GPR179: variants seen among roughly 807,000 people sequenced by gnomAD.
GPR179 encodes the protein probable G protein-coupled receptor 179.
GPR179 carries 52 observed loss-of-function variants against 70.8 expected under a neutral mutation model. The ratio of observed to expected loss-of-function variants is 0.73; its 90% CI spans 0.59 to 0.93. GPR179 has a LOEUF of 0.93. Ranked by LOEUF, GPR179 falls within the 40% of genes least tolerant of loss-of-function variation. The probability of loss-of-function intolerance (pLI) is 0.00; values close to 1 mark genes in which losing one functional copy is unlikely to be tolerated. For missense variants in GPR179, 2,734 were observed against 2,966.8 expected, an observed-to-expected ratio of 0.92 and a Z score of 1.82; for synonymous variants, 1,123 against 1,169.0, an observed-to-expected ratio of 0.96 and a Z score of 0.80.
At position 38,343,502 on chromosome 17, in the gene GPR179, C is replaced by T. The variant is rs2037469138; in HGVS notation, c.288G>A (p.Gln96=). 6.2e-7 allele frequency: 1 copy of T among 1,613,856 alleles called. No individual in the cohort carries two copies. Among genetic ancestry groups the T allele is most frequent in the Non-Finnish European group, 8.5e-7 (1 of 1,180,018 alleles). ...GAMPGLPPSL[Q]GAAGTLAQAA... is the part of the protein sequence containing the mutation. Reference sequence around the variant, plus strand: ...CCTGGGCAAGGGTGCCCGCTGCCCCCTGTAGGCTTGGGGGGAGCCCTGGCA... The same window carrying T: ...CCTGGGCAAGGGTGCCCGCTGCCCCTTGTAGGCTTGGGGGGAGCCCTGGCA... Residue 96 remains glutamine (Q), a synonymous_variant, in exon 1 of 11, where the codon CAG becomes CAA. Coordinates refer to ENST00000616987, the MANE Select transcript of GPR179 (RefSeq NM_001004334.4). The surrounding 1 kb of genome is among the most constrained non-coding windows in gnomAD (Gnocchi z 4.2).
intron 3 of GPR179, 23 bp from the exon 4 acceptor site, chr17:38,337,236 A>G: frequency 6.3e-7 from 1 of 1,581,598 alleles, no homozygotes; most frequent in Non-Finnish European, 8.6e-7. Context: ...AGATGAGTGC[A>G]GGGAGAGGGG....
In GPR179 at chr17:38,327,504, T is replaced by C; in HGVS notation, c.6065A>G (p.Glu2022Gly). 1 of 1,614,238 alleles carries C rather than the reference T, an allele frequency of 6.2e-7. No homozygotes were observed. Among genetic ancestry groups the C allele is most frequent in the Non-Finnish European group, 8.5e-7 (1 of 1,180,040 alleles). Residue 2022 changes from glutamate to glycine, a missense_variant, in exon 11 of 11, where the codon GAA (glutamate) becomes GGA (glycine). Coordinates refer to ENST00000616987, the MANE Select transcript of GPR179 (RefSeq NM_001004334.4). The stretch of plus-strand genomic sequence containing the variant: ...TTTGACAGGGATTCTTTCAGTCACT[T>C]CCCAGGGACAGGTCTCAGCCTTGGC... Reference protein sequence around the residue: ...SSAKAETCPWEVTERIPVKGV... With the variant: ...SSAKAETCPWGVTERIPVKGV...
rs749683775 is a variant in GPR179, at chr17:38,337,064, G to A, written c.1141C>T (p.Arg381Trp). The change falls in exon 4 of 11, where the codon CGG becomes TGG. Residue 381 changes from arginine to tryptophan, a missense_variant. Transcript: ENST00000616987. ...GCCTGGCAGGCCAGCACAGCGGCCCGCAGCACCGCGGCCTCTTCCACCAGG... is the reference window on the plus strand; with the variant it reads ...GCCTGGCAGGCCAGCACAGCGGCCCACAGCACCGCGGCCTCTTCCACCAGG... ...PCLVEEAAVL[R>W]AAVLACQACC... The A allele has an allele frequency of 1.6e-5, 25 of 1,608,148 alleles. No homozygotes were observed. Among genetic ancestry groups the A allele is most frequent in the Admixed American group, 1.0e-4 (6 of 59,148 alleles).
chr17:38,333,374 G>A lies in GPR179; in HGVS notation c.1914C>T (p.Pro638=), dbSNP rs375381938. 151 of 1,613,836 alleles carry A rather than the reference G, an allele frequency of 9.4e-5. No individual in the cohort carries two copies. The highest frequency in any genetic ancestry group is 1.2e-4 in the Non-Finnish European group (137 of 1,179,980). ...ACACCTCATCCACCATCTCCTCCCG[G>A]GGAGGAGCCCCCAGCTTCCAGAACT... is the stretch of plus-strand genomic sequence containing the variant. ...IPKFWKLGAP[P]REEMVDEVCE... is the part of the protein sequence containing the mutation. Residue 638 remains proline (P), a synonymous_variant, in exon 10 of 11, where the codon CCC becomes CCT. Coordinates refer to ENST00000616987, the MANE Select transcript of GPR179 (RefSeq NM_001004334.4).
Position 38,343,781 on chromosome 17 carries a change from G to A in GPR179, c.9C>T (p.Thr3=), listed in dbSNP as rs1222298892. 3.3e-6 allele frequency: 5 copies of A among 1,507,360 alleles called. No homozygotes were observed. Among genetic ancestry groups the A allele is most frequent in the Non-Finnish European group, 4.4e-6 (5 of 1,130,486 alleles). 93.4% of individuals were successfully genotyped at this position (1,507,360 alleles called of 1,614,324 possible). The change falls in exon 1 of 11, where the codon ACC becomes ACT. Residue 3 remains threonine, a synonymous_variant. Coordinates refer to ENST00000616987, the MANE Select transcript of GPR179 (RefSeq NM_001004334.4). This position sits in a 1 kb window ranked among gnomAD's most constrained non-coding sequence, Gnocchi z 4.2. ...TAGGAGGGGGCATGACCGCTCCCCT[G>A]GTGCCCATCCTTGGGGCAGCTCTCA... MG[T]RGAVMPPPMW...
At chr17:38,338,922 C>T (rs1242244684) in intron 2 of GPR179, among the ~76,000 whole-genome samples, 10 of 152,198 alleles carry the variant, frequency 6.6e-5, no homozygotes, top group South Asian at 4.1e-4. Context: ...CAGGCCTCTT[C>T]GAGCTCCTTG....
chr17:38,335,573 G>A lies in GPR179; in HGVS notation c.1406+18C>T, dbSNP rs780164180. ...CTGGGATGAGCAGCATGAGAGCAAA[G>A]TCTGCCCCAGGCCGTACCTGTAAAG... On this transcript the variant is annotated intron_variant, in intron 6 of 10. Coordinates refer to ENST00000616987, the MANE Select transcript of GPR179 (RefSeq NM_001004334.4). 5.8e-6 allele frequency: 9 copies of A among 1,562,636 alleles called. No homozygotes were observed. The highest frequency in any genetic ancestry group is 2.2e-5 in the East Asian group (1 of 44,658).
Position 38,343,127 on chromosome 17 carries a change from C to T in GPR179, c.663G>A (p.Val221=). ...ACAGCCTCACCTGCTGCGTGTCCCCCACATATCCATCTGCCTGCGGCCACT... is the reference window on the plus strand; with the variant it reads ...ACAGCCTCACCTGCTGCGTGTCCCCTACATATCCATCTGCCTGCGGCCACT... ...SPKWPQADGY[V]GDTQQVRLSP... is the part of the protein sequence containing the mutation. The change falls in exon 1 of 11, where the codon GTG becomes GTA. Residue 221 remains valine (V), a synonymous_variant. Transcript: ENST00000616987. This position sits in a 1 kb window ranked among gnomAD's most constrained non-coding sequence, Gnocchi z 4.2. The T allele has an allele frequency of 6.2e-7, 1 of 1,614,226 alleles. No homozygotes were observed. Among genetic ancestry groups the T allele is most frequent in the Non-Finnish European group, 8.5e-7 (1 of 1,180,034 alleles).
rs772665888 is a variant in GPR179 at position 38,343,004 on chromosome 17, T to A, written c.786A>T (p.Pro262=). The change falls in exon 1 of 11, where the codon CCA becomes CCT. Residue 262 remains proline (P), a synonymous_variant. Transcript: ENST00000616987. The surrounding 1 kb of genome is among the most constrained non-coding windows in gnomAD (Gnocchi z 4.2). ...TGCACAAACCCACTTACCTGACTTC[T>A]GGGCTGAGGTCTGGCTTGAGTCCAT... ...TFYGLKPDLS[P]EVRGQVQMDV... 1.2e-6 allele frequency: 2 copies of A among 1,601,276 alleles called. No homozygotes were observed. The highest frequency in any genetic ancestry group is 2.7e-5 in the African/African-American group (2 of 74,626).
Position 38,326,376 on chromosome 17 carries a change from T to G in GPR179, c.*89A>C, listed in dbSNP as rs914957374. The G allele has an allele frequency of 1.9e-6, 2 of 1,026,552 alleles. No homozygotes were observed. The highest frequency in any genetic ancestry group is 3.2e-5 in the South Asian group (2 of 62,874). The allele number at this position is 1,026,552 out of a possible 1,614,324, so 63.6% of individuals were successfully genotyped here. ...AGGAGGGGAAGTGGCCAAGCTGTCT[T>G]TGATTCAGCTCTTTGGGAACACCTG... On this transcript the variant is annotated 3_prime_UTR_variant, in exon 11 of 11. Transcript: ENST00000616987.
Position 38,330,482 on chromosome 17 carries a change from G to A in GPR179, c.3087C>T (p.Leu1029=). The change falls in exon 11 of 11, where the codon CTC becomes CTT. Residue 1029 remains leucine (L), a synonymous_variant. Transcript: ENST00000616987. ...HHSPAPARAR[L]WRALSVAVEK... is the part of the protein sequence containing the mutation. ...CTACTGCAACAGAGAGGGCCCTCCA[G>A]AGCCTGGCTCGAGCTGGGGCAGGGG... The A allele has an allele frequency of 1.9e-6, 3 of 1,555,728 alleles. No individual in the cohort carries two copies. Among genetic ancestry groups the A allele is most frequent in the Non-Finnish European group, 2.6e-6 (3 of 1,149,350 alleles).
In GPR179 at chr17:38,329,046, G is replaced by C. The variant is rs1837977879; in HGVS notation, c.4523C>G (p.Ala1508Gly). 1.2e-6 allele frequency: 2 copies of C among 1,613,676 alleles called. No individual in the cohort carries two copies. Among genetic ancestry groups the C allele is most frequent in the Non-Finnish European group, 1.7e-6 (2 of 1,179,964 alleles). ...GRESLQEKEKASRKGSFGEMG... is the reference protein window; with the variant it reads ...GRESLQEKEKGSRKGSFGEMG... ...CTCTCCAAAGCTTCCTTTTCTGGAG[G>C]CTTTTTCCTTTTCTTGAAGAGATTC... Residue 1508 changes from alanine to glycine, a missense_variant, in exon 11 of 11, where the codon GCC becomes GGC. Ala to Gly is a moderately conservative substitution (Grantham distance 60, BLOSUM62 0). Transcript: ENST00000616987.
At position 38,331,494 on chromosome 17, in the gene GPR179, T is replaced by C. The variant is rs2037360245; in HGVS notation, c.2075A>G (p.His692Arg). 6.2e-7 allele frequency: 1 copy of C among 1,613,618 alleles called. No individual in the cohort carries two copies. Among genetic ancestry groups the C allele is most frequent in the East Asian group, 2.2e-5 (1 of 44,862 alleles). Residue 692 changes from histidine to arginine, a missense_variant, in exon 11 of 11, where the codon CAC becomes CGC. His to Arg is a conservative substitution (Grantham distance 29, BLOSUM62 0). Transcript: ENST00000616987. ...GTTTGCGGCCATTTCCTTGGTTTTG[T>C]GGACCTCTAGCTGGGCATAGAGCTT... ...LKKLYAQLEV[H>R]KTKEMAANNP...
chr17:38,333,713 C>T (rs1228843176), intron 9 of GPR179, among the ~76,000 whole-genome samples: 1 of 152,174 alleles, frequency 6.6e-6, no homozygotes, highest in Non-Finnish European at 1.5e-5. Flanking sequence ...GGGAGCCCCT[C>T]CAGCCCTGGG....
Position 38,326,576 on chromosome 17 carries a change from C to T in GPR179, c.6993G>A (p.Gln2331=), listed in dbSNP as rs1597660628. The T allele has an allele frequency of 1.4e-5, 23 of 1,614,206 alleles. No homozygotes were observed. Among genetic ancestry groups the T allele is most frequent in the Non-Finnish European group, 1.9e-5 (23 of 1,180,026 alleles). The change falls in exon 11 of 11, where the codon CAG becomes CAA. Residue 2331 remains glutamine (Q), a synonymous_variant. Coordinates refer to ENST00000616987, the MANE Select transcript of GPR179 (RefSeq NM_001004334.4). ...AGGACGAAGACTGAGACTCAGCTTC[C>T]TGGAGACTTGGCTCTGGGGCTAAGC... The part of the protein sequence containing the change: ...RTSLAPEPSL[Q]EAESQSSSLT...
chr17:38,331,323 G>A lies in GPR179; in HGVS notation c.2246C>T (p.Ser749Phe), dbSNP rs1488419751. Residue 749 changes from serine (S) to phenylalanine (F), a missense_variant, in exon 11 of 11, where the codon TCC becomes TTC. Coordinates refer to ENST00000616987, the MANE Select transcript of GPR179 (RefSeq NM_001004334.4). ...GGAGCTGAGGAGCCGGCGGCGGGAG[G>A]AGCCGGGCAGGCTGCCGTGGCCTGG... is the stretch of plus-strand genomic sequence containing the variant. ...GSPGHGSLPG[S>F]SRRRLLSSSL... 1.2e-5 allele frequency: 20 copies of A among 1,607,692 alleles called. No individual in the cohort carries two copies. Among genetic ancestry groups the A allele is most frequent in the Non-Finnish European group, 1.7e-5 (20 of 1,177,846 alleles).
rs768432912 is a variant in GPR179 at position 38,330,801 on chromosome 17, T to G, written c.2768A>C (p.Glu923Ala). 2 of 1,603,618 alleles carry G rather than the reference T, an allele frequency of 1.2e-6. No homozygotes were observed. ...TGGATGAGGCAGCCTTCTCCTAGCCTCCTCATGAAGCCTCCCAGAGGTGTG... is the reference window on the plus strand; with the variant it reads ...TGGATGAGGCAGCCTTCTCCTAGCCGCCTCATGAAGCCTCCCAGAGGTGTG... ...SSHTSGRLHE[E>A]ARRRLPHPPI... The change falls in exon 11 of 11, where the codon GAG becomes GCG. Residue 923 changes from glutamate (E) to alanine (A), a missense_variant. Coordinates refer to ENST00000616987, the MANE Select transcript of GPR179 (RefSeq NM_001004334.4).
intron 1 of GPR179, among the ~76,000 whole-genome samples, chr17:38,339,784 A>T (rs1158160761): frequency 3.3e-5 from 5 of 152,198 alleles, no homozygotes; most frequent in Admixed American, 3.3e-4. Flanking sequence ...AAGGCAGGTC[A>T]TAGAAACTAG....
At chr17:38,335,463 G>A in intron 6 of GPR179, 128 bp downstream of exon 6, 1 of 786,788 alleles carries the variant, frequency 1.3e-6, no homozygotes, top group Non-Finnish European at 2.1e-6. Context: ...TATGGTGATG[G>A]GGGTTGGCCT....
Sources: gnomAD v4.1 joint callset for allele counts (sites outside exome capture counted in the v4.1 genomes callset) on GRCh38, gnomAD v4.1.1 for gene constraint, Gnocchi (gnomAD v3.1) non-coding constraint, MANE v1.5 for transcripts, NCBI Gene and HGNC (gene_info 2026-07-23, HGNC 2026-07-21) for gene names.